The following RERGL variants were observed in gnomAD, a reference collection of about 807,000 sequenced individuals.
The protein encoded by RERGL is ras-related and estrogen-regulated growth inhibitor-like protein.
In RERGL, 22 loss-of-function variants were observed where a neutral mutation model predicts 24.7. The ratio of observed to expected loss-of-function variants is 0.89; its 90% CI spans 0.64 to 1.27. The LOEUF (loss-of-function observed/expected upper bound fraction) is 1.27, where lower values mean the gene tolerates loss of function less well. Ranked by LOEUF, RERGL falls within the 50% of genes most tolerant of loss-of-function variation. RERGL has a pLI of 0.00. For synonymous variants in RERGL, 76 were observed against 82.6 expected, an observed-to-expected ratio of 0.92 and a Z score of 0.43; for missense variants, 259 against 235.3, an observed-to-expected ratio of 1.10 and a Z score of -0.66.
At chr12:18,089,153 G>T in intron 1 of RERGL, 197 bp from the exon 2 acceptor site, 1 of 1,291,020 alleles carries the variant, frequency 7.7e-7, no homozygotes, top group Non-Finnish European at 1.1e-6. Flanking sequence ...AGTTAGAAAG[G>T]AAGTGATCTT....
intron 3 of RERGL, among the ~76,000 whole-genome samples, chr12:18,085,075 T>G (rs1324793550): frequency 6.6e-6 from 1 of 152,160 alleles, no homozygotes; most frequent in African/African-American, 2.4e-5. Context: ...TTATAAGGGT[T>G]TAGCTAAAAT....
At chr12:18,090,002 A>G in intron 1 of RERGL, 87 bp downstream of exon 1, 7 of 863,758 alleles carry the variant, frequency 8.1e-6, no homozygotes, top group Non-Finnish European at 1.0e-5. Context: ...TATGAAATAT[A>G]TATGAAATAC....
intron 2 of RERGL, among the ~76,000 whole-genome samples, chr12:18,088,190 T>A (rs1947237716): frequency 6.6e-6 from 1 of 152,064 alleles, no homozygotes. Flanking sequence ...AAAAAATTCA[T>A]CTCCTCATTT....
intron 1 of RERGL, chr12:18,089,362 G>A (rs1402662475): frequency 1.4e-6 from 2 of 1,430,454 alleles, no homozygotes; most frequent in Non-Finnish European, 1.8e-6. Flanking sequence ...CCAAGTATTT[G>A]CAGTTATTTA....
chr12:18,081,354 A>G lies in RERGL; in HGVS notation c.452T>C (p.Leu151Pro), dbSNP rs750220616. Residue 151 changes from leucine to proline, a missense_variant, in exon 5 of 5, where the codon CTG becomes CCG. Transcript: ENST00000538724. ...CTCCAGAGACTGCTCTGCTGCAGAC[A>G]GTTCACAGAATTGGCATCGGTTTTC... ...ALENRCQFCE[L>P]SAAEQSLEVE... The G allele has an allele frequency of 3.7e-6, 6 of 1,614,040 alleles. No homozygotes were observed. Among genetic ancestry groups the G allele is most frequent in the African/African-American group, 1.3e-5 (1 of 74,926 alleles).
At chr12:18,087,765 G>C (rs1947233716) in intron 2 of RERGL, among the ~76,000 whole-genome samples, 1 of 151,952 alleles carries the variant, frequency 6.6e-6, no homozygotes. Context: ...TTATTTTTTA[G>C]TTCTGGGACA....
intron 2 of RERGL, among the ~76,000 whole-genome samples, chr12:18,087,427 C>A (rs1947230905): frequency 6.6e-6 from 1 of 152,102 alleles, no homozygotes; most frequent in African/African-American, 2.4e-5. Context: ...ACACTATTTC[C>A]TTCTAGCCAA....
At chr12:18,088,124 C>T (rs1947237116) in intron 2 of RERGL, among the ~76,000 whole-genome samples, 1 of 151,980 alleles carries the variant, frequency 6.6e-6, no homozygotes, top group Non-Finnish European at 1.5e-5. Context: ...AAACATTCTC[C>T]TTTCTCTCAA....
chr12:18,081,288 A>T lies in RERGL; in HGVS notation c.518T>A (p.Ile173Lys), dbSNP rs1947168260. 1.2e-6 allele frequency: 2 copies of T among 1,613,684 alleles called. No homozygotes were observed. The highest frequency in any genetic ancestry group is 1.7e-5 in the Admixed American group (1 of 59,996). ...TCTCTTTTCTTTGAGTTTGAAGTTT[A>T]TCAGGATGTCCTTGATAATTCTGAT... The part of the protein sequence containing the change: ...MFIRIIKDIL[I>K]NFKLKEKRRP... Residue 173 changes from isoleucine (I) to lysine (K), a missense_variant, in exon 5 of 5, where the codon ATA becomes AAA. Physicochemically the swap from Ile to Lys is moderately radical, Grantham distance 102 (BLOSUM62 -3). Transcript: ENST00000538724.
chr12:18,089,515 T>C (rs1947250684), intron 1 of RERGL: 1 of 492,560 alleles, frequency 2.0e-6, no homozygotes, highest in Non-Finnish European at 3.2e-6. Context: ...GTCACCATTA[T>C]AATGTGACCG....
rs188366732 is a variant in RERGL at position 18,083,718 on chromosome 12, T to C, written c.332+799A>G. ...TTAAAATAGTTATTAAAAGTACACATACCAATTCTCAGTAATAATATTGTG... is the reference window on the plus strand; with the variant it reads ...TTAAAATAGTTATTAAAAGTACACACACCAATTCTCAGTAATAATATTGTG... On this transcript the variant is annotated intron_variant, in intron 4 of 4. Coordinates refer to ENST00000538724, the MANE Select transcript of RERGL (RefSeq NM_001286201.2). 1.1e-4 allele frequency among the ~76,000 whole-genome samples: 16 copies of C among 152,312 alleles called. No individual in the cohort carries two copies. In the East Asian group the frequency reaches 2.7e-3, roughly 26 times the overall value.
intron 4 of RERGL, among the ~76,000 whole-genome samples, chr12:18,082,155 A>AAG (rs563757956): frequency 6.6e-5 from 10 of 151,418 alleles, no homozygotes; most frequent in Non-Finnish European, 1.5e-4. Flanking sequence ...AAAAAAAAAA[A>AAG]AAAAGAATGA....
chr12:18,089,221 CCA>C, intron 1 of RERGL: 1 of 1,605,596 alleles, frequency 6.2e-7, no homozygotes, highest in Non-Finnish European at 8.5e-7. Flanking sequence ...AAACATAAGG[CCA>C]CTTACCTTTT....
chr12:18,081,503 G>T (rs1300649697), intron 4 of RERGL, 30 bp from the exon 5 acceptor site: 17 of 1,332,436 alleles, frequency 1.3e-5, no homozygotes, highest in South Asian at 5.8e-5. Context: ...TTTTTAGCAA[G>T]ATTGTTTTAA....
intron 2 of RERGL, among the ~76,000 whole-genome samples, chr12:18,086,490 G>C (rs75308987): frequency 0.017 from 2,559 of 151,954 alleles, 74 homozygotes; most frequent in African/African-American, 0.059. Flanking sequence ...GATTTTATTC[G>C]CCTTATTGGT....
In RERGL at chr12:18,084,561, C is replaced by A; in HGVS notation, c.288G>T (p.Ala96=). The change falls in exon 4 of 5, where the codon GCG becomes GCT. Residue 96 remains alanine, a synonymous_variant. Transcript: ENST00000538724. The part of the protein sequence containing the change: ...SDRSSFAFAK[A]LIYRIREPQT... ...GTGGCTCCCGGATTCTGTAGATCAG[C>A]GCTTTTGCAAAAGCAAATGAAGACC... The A allele has an allele frequency of 2.5e-6, 4 of 1,611,708 alleles. No individual in the cohort carries two copies. The highest frequency in any genetic ancestry group is 2.5e-6 in the Non-Finnish European group (3 of 1,178,952).
chr12:18,089,418 G>A, intron 1 of RERGL: 1 of 1,318,218 alleles, frequency 7.6e-7, no homozygotes, highest in Non-Finnish European at 9.7e-7. Flanking sequence ...AAGAACCTCT[G>A]GTATCCATTC....
At chr12:18,083,260 G>T (rs1360650765) in intron 4 of RERGL, among the ~76,000 whole-genome samples, 1 of 151,966 alleles carries the variant, frequency 6.6e-6, no homozygotes, top group African/African-American at 2.4e-5. Flanking sequence ...ATTGAGAGCT[G>T]GGAATATTCA....
chr12:18,084,431 G>T, intron 4 of RERGL, 86 bp downstream of exon 4: 2 of 1,275,730 alleles, frequency 1.6e-6, no homozygotes, highest in Non-Finnish European at 1.1e-6. Flanking sequence ...GTAATTGGAA[G>T]GCTGTATTAA....
Sources: allele counts gnomAD v4.1 joint callset (sites outside exome capture counted in the v4.1 genomes callset), GRCh38; gene constraint gnomAD v4.1.1; transcripts MANE v1.5; gene names NCBI Gene and HGNC (gene_info 2026-07-23, HGNC 2026-07-21).